Variants in RAB38 observed in about 807,000 individuals in gnomAD.
The protein encoded by RAB38 is ras-related protein Rab-38.
RAB38 carries 15 observed loss-of-function variants against 18.4 expected under a neutral mutation model. The observed-to-expected ratio is 0.82, with a 90% confidence interval of 0.55 to 1.26. The LOEUF is 1.26. Among genes scored for constraint, RAB38 ranks in the 50% most tolerant of loss-of-function variants. The pLI is 0.00. For missense variants in RAB38, 294 were observed against 267.4 expected (o/e 1.10, Z -0.69); for synonymous variants, 101 against 104.4 (o/e 0.97, Z 0.20).
chr11:87,955,553 A>G, the RAB38 span, among the ~76,000 whole-genome samples: 2 of 152,172 alleles, frequency 1.3e-5, no homozygotes, highest in East Asian at 1.9e-4. Flanking sequence ...GACTTATCCT[A>G]TAGACTCTTT....
chr11:87,962,279 C>T, the RAB38 span, among the ~76,000 whole-genome samples: 1 of 152,218 alleles, frequency 6.6e-6, no homozygotes, highest in African/African-American at 2.4e-5. Flanking sequence ...ACCGAGTCCA[C>T]TTTCCTTTTC....
the RAB38 span, among the ~76,000 whole-genome samples, chr11:88,034,694 A>AT: frequency 6.6e-6 from 1 of 151,780 alleles, no homozygotes; most frequent in African/African-American, 2.4e-5. Flanking sequence ...TCCTAATTGG[A>AT]TTTTTTTCTT....
the RAB38 span, among the ~76,000 whole-genome samples, chr11:87,867,317 G>C: frequency 3.3e-5 from 5 of 151,734 alleles, no homozygotes; most frequent in Non-Finnish European, 5.9e-5. Flanking sequence ...CCACGAGGCA[G>C]TTTTAATCTC....
the RAB38 span, among the ~76,000 whole-genome samples, chr11:87,923,476 C>A: frequency 2.6e-5 from 4 of 151,674 alleles, no homozygotes; most frequent in Non-Finnish European, 4.4e-5. Flanking sequence ...TAGGGACACA[C>A]AAACAAACAT....
the RAB38 span, among the ~76,000 whole-genome samples, chr11:88,074,971 T>A: frequency 1.3e-5 from 2 of 152,174 alleles, no homozygotes. Flanking sequence ...TGACACTATA[T>A]AATGATAAAG....
chr11:87,976,680 T>A, the RAB38 span, among the ~76,000 whole-genome samples: 7 of 31,818 alleles, frequency 2.2e-4, no homozygotes, highest in South Asian at 1.1e-3. Context: ...ATGATATATA[T>A]TTATATATTT....
the RAB38 span, among the ~76,000 whole-genome samples, chr11:87,972,138 A>C: frequency 6.6e-6 from 1 of 152,072 alleles, no homozygotes; most frequent in African/African-American, 2.4e-5. Context: ...TTATGTCTTA[A>C]GGCTTGAAAA....
chr11:88,027,386 C>A, the RAB38 span, among the ~76,000 whole-genome samples: 1 of 152,062 alleles, frequency 6.6e-6, no homozygotes, highest in Non-Finnish European at 1.5e-5. Context: ...TCAGTGGGTG[C>A]GTGCACCGTG....
At chr11:87,833,969 G>C in the RAB38 span, among the ~76,000 whole-genome samples, 3 of 152,178 alleles carry the variant, frequency 2.0e-5, no homozygotes, top group Admixed American at 2.0e-4. Flanking sequence ...ATCCAGGCAA[G>C]TCCAGTCTAA....
At chr11:87,920,925 G>T in the RAB38 span, among the ~76,000 whole-genome samples, 1 of 151,986 alleles carries the variant, frequency 6.6e-6, no homozygotes, top group South Asian at 2.1e-4. Context: ...ACCACATATT[G>T]GGTAATCTAT....
chr11:88,172,166 G>A (rs889222462), intron 1 of RAB38, among the ~76,000 whole-genome samples: 5 of 152,212 alleles, frequency 3.3e-5, no homozygotes, highest in African/African-American at 7.2e-5. Context: ...TACTAGCTGG[G>A]TGGCCTCAGG....
Position 88,149,840 on chromosome 11 carries a change from A to C in RAB38, c.318T>G (p.Asn106Lys). 2.5e-6 allele frequency: 4 copies of C among 1,613,890 alleles called. No homozygotes were observed. Among genetic ancestry groups the C allele is most frequent in the Non-Finnish European group, 2.5e-6 (3 of 1,179,988 alleles). The change falls in exon 2 of 3, where the codon AAT (asparagine) becomes AAG (lysine). Residue 106 changes from asparagine (N) to lysine (K), a missense_variant. By Grantham distance (94) the Asn-to-Lys change is moderately conservative. Transcript: ENST00000243662. ...ATFEAVAKWKNDLDSKLSLPN... is the reference protein window; with the variant it reads ...ATFEAVAKWKKDLDSKLSLPN... ...GGAGACTTAACTTGGAGTCCAAATC[A>C]TTTTTCCACTTTGCCACTGCTTCAA...
the RAB38 span, among the ~76,000 whole-genome samples, chr11:88,028,346 T>C: frequency 6.6e-6 from 1 of 152,142 alleles, no homozygotes; most frequent in Non-Finnish European, 1.5e-5. Context: ...AGGAATGCAG[T>C]TCCTCACCAG....
intron 1 of RAB38, among the ~76,000 whole-genome samples, chr11:88,162,801 T>C (rs1231002645): frequency 6.6e-6 from 1 of 152,078 alleles, no homozygotes; most frequent in Admixed American, 6.6e-5. Context: ...AAGGCTAATT[T>C]TCAGACTGAG....
the RAB38 span, among the ~76,000 whole-genome samples, chr11:87,924,054 A>G: frequency 3.3e-5 from 5 of 151,494 alleles, no homozygotes; most frequent in Non-Finnish European, 1.5e-5. Flanking sequence ...CACACACAAC[A>G]TTTTAAATAA....
chr11:87,821,917 ATAT>A, the RAB38 span, among the ~76,000 whole-genome samples: 1 of 151,980 alleles, frequency 6.6e-6, no homozygotes, highest in African/African-American at 2.4e-5. Flanking sequence ...CATTATAATA[ATAT>A]TATATAAGCT....
At chr11:87,896,572 C>G in the RAB38 span, among the ~76,000 whole-genome samples, 1 of 151,588 alleles carries the variant, frequency 6.6e-6, no homozygotes, top group African/African-American at 2.4e-5. Flanking sequence ...AAGTAACCAT[C>G]TCCTGTAGTT....
chr11:87,890,872 C>G, the RAB38 span, among the ~76,000 whole-genome samples: 9,325 of 151,942 alleles, frequency 0.061, 378 homozygotes, highest in Non-Finnish European at 0.09. Flanking sequence ...TTCAGGAGGA[C>G]TAGCCTAGTG....
the RAB38 span, among the ~76,000 whole-genome samples, chr11:87,933,700 A>T: frequency 1.3e-5 from 2 of 151,090 alleles, no homozygotes; most frequent in Admixed American, 1.3e-4. Context: ...TTCAGTTTGC[A>T]TGGAGCCAAA....
Sources: gnomAD v4.1 joint callset for allele counts (sites outside exome capture counted in the v4.1 genomes callset) on GRCh38, gnomAD v4.1.1 for gene constraint, MANE v1.5 for transcripts, NCBI Gene and HGNC (gene_info 2026-07-23, HGNC 2026-07-21) for gene names.